The following ASAH2 variants were observed in gnomAD, a reference collection of about 807,000 sequenced individuals.
ASAH2 encodes N-acylsphingosine amidohydrolase 2, also known as neutral ceramidase.
ASAH2 carries 58 observed loss-of-function variants against 82.9 expected under a neutral mutation model. That is an observed-to-expected ratio of 0.70 (90% confidence interval 0.57 to 0.87). The LOEUF is 0.87. Ranked by LOEUF, ASAH2 falls within the 40% of genes least tolerant of loss-of-function variation. The pLI, the probability that ASAH2 is intolerant of heterozygous loss-of-function variation, is 0.00. For synonymous variants in ASAH2, 276 were observed against 289.7 expected, an observed-to-expected ratio of 0.95 and a Z score of 0.48; for missense variants, 779 against 834.0, an observed-to-expected ratio of 0.93 and a Z score of 0.81.
intron 1 of ASAH2, 31 bp from the exon 2 acceptor site, chr10:50,248,677 C>T: frequency 6.5e-7 from 1 of 1,528,090 alleles, no homozygotes; most frequent in Non-Finnish European, 8.9e-7. Flanking sequence ...AATTAAAATG[C>T]AAATGCTTTA....
intron 10 of ASAH2, 77 bp downstream of exon 10, chr10:50,212,895 C>A (rs1845496042): frequency 1.4e-6 from 2 of 1,391,188 alleles, no homozygotes; most frequent in Non-Finnish European, 1.0e-6. Flanking sequence ...AAGTATTCAA[C>A]TTCCTAATGA....
chr10:50,206,772 C>T (rs1845310311), intron 12 of ASAH2, among the ~76,000 whole-genome samples: 1 of 151,696 alleles, frequency 6.6e-6, no homozygotes, highest in Non-Finnish European at 1.5e-5. Flanking sequence ...CTGAAATTTT[C>T]AATAACCCAC....
Position 50,213,008 on chromosome 10 carries a change from T to G in ASAH2, c.1191A>C (p.Thr397=), listed in dbSNP as rs1297960587. Residue 397 remains threonine, a synonymous_variant, in exon 10 of 21, where the codon ACA becomes ACC. Coordinates refer to ENST00000682911, the MANE Select transcript of ASAH2 (RefSeq NM_019893.4). The stretch of plus-strand genomic sequence containing the variant: ...GATACATGGCCCGTCCTATAATTTG[T>G]GTGCTGTCAAACATATCCTGTCCAG... ...KGPGQDMFDS[T]QIIGRAMYQR... 1.9e-6 allele frequency: 3 copies of G among 1,613,718 alleles called. No individual in the cohort carries two copies. Among genetic ancestry groups the G allele is most frequent in the Non-Finnish European group, 2.5e-6 (3 of 1,179,756 alleles).
chr10:50,226,025 G>A (rs916749599), intron 7 of ASAH2, among the ~76,000 whole-genome samples: 4 of 151,876 alleles, frequency 2.6e-5, no homozygotes, highest in Admixed American at 2.6e-4. Flanking sequence ...CCCAGGAGGT[G>A]GAGGTTGCAG....
At position 50,204,872 on chromosome 10, in the gene ASAH2, G is replaced by A. The variant is rs914423557; in HGVS notation, c.1614C>T (p.Pro538=). The change falls in exon 14 of 21, where the codon CCC becomes CCT. Residue 538 remains proline (P), a synonymous_variant. Coordinates refer to ENST00000682911, the MANE Select transcript of ASAH2 (RefSeq NM_019893.4). ...TLGSLAITAI[P]GEFTTMSGRR... ...AAAGAAAAACTTACGTAAACTCCCC[G>A]GGGATGGCAGTTATGGCCAAGGACC... 100 of 1,608,598 alleles carry A rather than the reference G, an allele frequency of 6.2e-5. No individual in the cohort carries two copies. The highest frequency in any genetic ancestry group is 1.1e-4 in the East Asian group (5 of 44,832).
At chr10:50,229,214 TCTTTGAAGTAC>T (rs1845968183) in intron 7 of ASAH2, among the ~76,000 whole-genome samples, 1 of 152,190 alleles carries the variant, frequency 6.6e-6, no homozygotes, top group Admixed American at 6.6e-5. Context: ...GATGACAGAC[TCTTTGAAGTAC>T]CTTACAGAGT....
Position 50,245,329 on chromosome 10 carries a change from A to G in ASAH2, c.253T>C (p.Ser85Pro), listed in dbSNP as rs149533805. The change falls in exon 3 of 21, where the codon TCT becomes CCT. Residue 85 changes from serine (S) to proline (P), a missense_variant. By Grantham distance (74) the Ser-to-Pro change is moderately conservative. This residue lies in a region of ASAH2 where 759 missense variants were observed against 755.2 expected (regional missense o/e 1.00). Transcript: ENST00000682911. The stretch of plus-strand genomic sequence containing the variant: ...GACTCTGGGGTTAAAGGCACTGGAG[A>G]AGTTTGAGTGGCTGTGGAGCTCTGG... ...ATQSSTATQT[S>P]PVPLTPESPL... 2.5e-6 allele frequency: 4 copies of G among 1,613,846 alleles called. No homozygotes were observed. Among genetic ancestry groups the G allele is most frequent in the Admixed American group, 1.7e-5 (1 of 59,978 alleles).
At chr10:50,236,284 T>C (rs902630110) in intron 4 of ASAH2, among the ~76,000 whole-genome samples, 2,934 of 152,218 alleles carry the variant, frequency 0.019, 90 homozygotes, top group African/African-American at 0.067. Flanking sequence ...TCAGGAAACT[T>C]ATAATCATGG....
intron 12 of ASAH2, among the ~76,000 whole-genome samples, chr10:50,207,040 C>A (rs1394533007): frequency 6.6e-6 from 1 of 151,764 alleles, no homozygotes. Flanking sequence ...GAGAAGCTTG[C>A]AAATATGCAG....
intron 7 of ASAH2, among the ~76,000 whole-genome samples, chr10:50,227,761 C>T (rs1420395358): frequency 6.6e-6 from 1 of 152,026 alleles, no homozygotes; most frequent in Non-Finnish European, 1.5e-5. Flanking sequence ...AAACTTGGGA[C>T]AATTTAAACT....
At chr10:50,238,810 G>A (rs1166612937) in intron 4 of ASAH2, among the ~76,000 whole-genome samples, 1 of 152,078 alleles carries the variant, frequency 6.6e-6, no homozygotes, top group African/African-American at 2.4e-5. Context: ...CAGAAATTAT[G>A]AATCTTGAAT....
intron 7 of ASAH2, among the ~76,000 whole-genome samples, chr10:50,225,325 A>G (rs1015743829): frequency 1.4e-4 from 21 of 152,276 alleles, no homozygotes; most frequent in Middle Eastern, 3.4e-3. Context: ...CTGAGGCAGG[A>G]GAATCACTTG....
intron 3 of ASAH2, among the ~76,000 whole-genome samples, chr10:50,244,415 C>T (rs374104883): frequency 1.3e-5 from 2 of 152,222 alleles, no homozygotes; most frequent in South Asian, 2.1e-4. Context: ...TGCATTACCC[C>T]TCCTGGGAGT....
chr10:50,217,214 C>T (rs1845625640), intron 8 of ASAH2, among the ~76,000 whole-genome samples: 1 of 147,876 alleles, frequency 6.8e-6, no homozygotes, highest in Admixed American at 7.2e-5. Flanking sequence ...CATCCTAGTT[C>T]CTCTTGTTTT....
chr10:50,246,260 T>A (rs1846455165), intron 2 of ASAH2, among the ~76,000 whole-genome samples: 1 of 152,148 alleles, frequency 6.6e-6, no homozygotes, highest in Non-Finnish European at 1.5e-5. Flanking sequence ...TTAGCCTATT[T>A]CACCCCAATG....
chr10:50,199,221 T>G lies in ASAH2; in HGVS notation c.1762-75A>C, dbSNP rs1169203007. The G allele has an allele frequency of 4.8e-6, 7 of 1,471,018 alleles. No homozygotes were observed. The African/African-American group carries it at 9.8e-5, about 20-fold the overall frequency. The allele number at this position is 1,471,018 out of a possible 1,614,324, so 91.1% of individuals were successfully genotyped here. ...ATTTACAGAGGTGTAGCATTTTGGG[T>G]AAGTGTGATGCTTGACATCTCACAT... On this transcript the variant is annotated intron_variant, in intron 16 of 20. Transcript: ENST00000682911.
At chr10:50,194,381 A>G (rs1052221319) in intron 18 of ASAH2, among the ~76,000 whole-genome samples, 95 of 151,902 alleles carry the variant, frequency 6.3e-4, no homozygotes, top group African/African-American at 2.0e-3. Context: ...ATAACAAAAG[A>G]CAAAACCACA....
intron 8 of ASAH2, among the ~76,000 whole-genome samples, chr10:50,217,781 G>A (rs1442350898): frequency 1.3e-5 from 2 of 152,064 alleles, no homozygotes; most frequent in African/African-American, 2.4e-5. Flanking sequence ...TCTTTATAAG[G>A]GAATATTAAT....
chr10:50,204,750 C>G, intron 14 of ASAH2, 111 bp downstream of exon 14: 1 of 857,364 alleles, frequency 1.2e-6, no homozygotes, highest in Non-Finnish European at 1.9e-6. Context: ...CCAAACAGTA[C>G]AGTAGGATAC....
Sources: allele counts gnomAD v4.1 joint callset (sites outside exome capture counted in the v4.1 genomes callset), GRCh38; gene constraint gnomAD v4.1.1; regional missense constraint gnomAD v4.1.1; transcripts MANE v1.5; gene names NCBI Gene and HGNC (gene_info 2026-07-23, HGNC 2026-07-21).